The following ZFHX3 variants were observed in gnomAD, a reference collection of about 807,000 sequenced individuals.
The protein encoded by ZFHX3 is zinc finger homeobox protein 3.
In ZFHX3, 42 loss-of-function variants were observed where a neutral mutation model predicts 279.1. The ratio of observed to expected loss-of-function variants is 0.15; its 90% CI spans 0.12 to 0.19. The LOEUF (loss-of-function observed/expected upper bound fraction) is 0.19, where lower values mean the gene tolerates loss of function less well. Among genes scored for constraint, ZFHX3 ranks in the 10% least tolerant of loss-of-function variants. The pLI is 1.00. For synonymous variants in ZFHX3, 2,293 were observed against 1,957.8 expected (o/e 1.17, Z -4.52); for missense variants, 4,981 against 4,754.0 (o/e 1.05, Z -1.40).
At chr16:72,887,928 C>A (rs2038671767) in intron 4 of ZFHX3, among the ~76,000 whole-genome samples, 2 of 151,984 alleles carry the variant, frequency 1.3e-5, no homozygotes, top group African/African-American at 4.8e-5. Flanking sequence ...TGTGTGCCGT[C>A]TGCGTGAGTC....
At chr16:73,119,464 A>T (rs545020767) in intron 7 of ZFHX3, among the ~76,000 whole-genome samples, 18 of 152,234 alleles carry the variant, frequency 1.2e-4, no homozygotes, top group African/African-American at 4.3e-4. Flanking sequence ...CTGTGTCTCC[A>T]AGGAGGGCAG....
chr16:73,059,925 A>G (rs565655164), upstream of ZFHX3, among the ~76,000 whole-genome samples: 3 of 152,318 alleles, frequency 2.0e-5, no homozygotes, highest in East Asian at 5.8e-4. Flanking sequence ...GTGAATCAGA[A>G]CTGAAAGGGG....
rs369637445 is a variant in ZFHX3, at chr16:73,609,720, A to G, written c.-1547+70460T>C. The G allele has an allele frequency of 1.7e-4, 26 of 152,124 alleles. No homozygotes were observed. The East Asian group carries it at 4.7e-3, about 27-fold the overall frequency. 9.4% of individuals were successfully genotyped at this position (152,124 alleles called of 1,614,324 possible). On this transcript the variant is annotated intron_variant, in intron 2 of 17. Transcript: ENST00000641206. ...GGGAGGGGTAATTGGTTGAAGGCAT[A>G]TGTATATTCATTTAAGAAAACTCAG...
At chr16:73,226,667 C>T (rs1488451791) in intron 5 of ZFHX3, among the ~76,000 whole-genome samples, 3 of 152,240 alleles carry the variant, frequency 2.0e-5, no homozygotes, top group African/African-American at 7.2e-5. Context: ...TACACTTGAA[C>T]TACAGTGTCT....
chr16:72,843,113 C>T (rs2037384449), intron 4 of ZFHX3, among the ~76,000 whole-genome samples: 1 of 152,108 alleles, frequency 6.6e-6, no homozygotes, highest in Non-Finnish European at 1.5e-5. Flanking sequence ...GCCTGGTCAC[C>T]GGCAGGTTCT....
intron 4 of ZFHX3, among the ~76,000 whole-genome samples, chr16:72,873,021 T>C (rs559345049): frequency 6.6e-6 from 1 of 152,300 alleles, no homozygotes; most frequent in African/African-American, 2.4e-5. Context: ...AGCCTGACTC[T>C]CTCCTTAGAG....
chr16:72,979,967 T>C (rs1962515337), intron 1 of ZFHX3, among the ~76,000 whole-genome samples: 1 of 152,236 alleles, frequency 6.6e-6, no homozygotes, highest in South Asian at 2.1e-4. Context: ...TTAGCTCCAG[T>C]AATTTCTCAA....
At chr16:73,037,209 T>A (rs1431253175) in intron 1 of ZFHX3, among the ~76,000 whole-genome samples, 1 of 152,196 alleles carries the variant, frequency 6.6e-6, no homozygotes, top group Admixed American at 6.5e-5. Flanking sequence ...CAGTGTAAAG[T>A]TCTTCCTTAG....
At chr16:73,716,650 C>CAA (rs1191443786) in intron 1 of ZFHX3, among the ~76,000 whole-genome samples, 4 of 10,066 alleles carry the variant, frequency 4.0e-4, no homozygotes, top group Non-Finnish European at 3.1e-3. Context: ...CACACACACA[C>CAA]GCATGCACGC....
intron 3 of ZFHX3, among the ~76,000 whole-genome samples, chr16:72,893,369 G>T (rs2038818722): frequency 6.6e-6 from 1 of 152,192 alleles, no homozygotes; most frequent in South Asian, 2.1e-4. Flanking sequence ...GGATGTGTGA[G>T]AGTTCTATTC....
intron 7 of ZFHX3, among the ~76,000 whole-genome samples, chr16:73,125,999 G>A (rs1471443663): frequency 6.6e-6 from 1 of 151,974 alleles, no homozygotes; most frequent in Non-Finnish European, 1.5e-5. Flanking sequence ...TTTCAAAGAG[G>A]GTGTGGGACA....
intron 3 of ZFHX3, among the ~76,000 whole-genome samples, chr16:73,440,295 A>C (rs1293632967): frequency 2.6e-5 from 4 of 152,228 alleles, no homozygotes; most frequent in African/African-American, 9.6e-5. Flanking sequence ...AATTCAGTGG[A>C]GCAACATCCA....
chr16:73,601,224 G>A (rs1038194597), intron 2 of ZFHX3, among the ~76,000 whole-genome samples: 15 of 151,224 alleles, frequency 9.9e-5, no homozygotes, highest in Non-Finnish European at 1.6e-4. Context: ...AGGCTGAAGC[G>A]GGTGGATCAC....
intron 1 of ZFHX3, among the ~76,000 whole-genome samples, chr16:73,687,263 A>G (rs1489645503): frequency 6.7e-6 from 1 of 150,348 alleles, no homozygotes; most frequent in African/African-American, 2.4e-5. Context: ...ATGGTGGCAC[A>G]CACCTGTAGT....
intron 3 of ZFHX3, among the ~76,000 whole-genome samples, chr16:72,902,701 G>A (rs1016913135): frequency 1.3e-5 from 2 of 152,060 alleles, no homozygotes; most frequent in Non-Finnish European, 2.9e-5. Context: ...CATCCCCTGG[G>A]GTAGAGGATC....
chr16:73,401,722 A>G (rs1567472732), intron 3 of ZFHX3: 1 of 152,184 alleles, frequency 6.6e-6, no homozygotes, highest in Non-Finnish European at 1.5e-5. Context: ...CAAAGTTATT[A>G]TTATTTCTAA....
At chr16:73,536,621 A>C (rs189503834) in intron 2 of ZFHX3, among the ~76,000 whole-genome samples, 5 of 152,312 alleles carry the variant, frequency 3.3e-5, no homozygotes, top group Admixed American at 1.3e-4. Context: ...TAAATAAGCT[A>C]TTTTTAAGCA....
chr16:73,588,702 C>CAAAAAAAAAAA (rs35658515), intron 2 of ZFHX3, among the ~76,000 whole-genome samples: 2 of 56,384 alleles, frequency 3.5e-5, no homozygotes, highest in African/African-American at 1.1e-4. Flanking sequence ...AAACAAAAAA[C>CAAAAAAAAAAA]AAAACAAAAA....
chr16:72,788,087 T>G lies in ZFHX3; in HGVS notation c.10189A>C (p.Lys3397Gln), dbSNP rs767937367. The change falls in exon 10 of 10, where the codon AAA (lysine) becomes CAA (glutamine). Residue 3397 changes from lysine (K) to glutamine (Q), a missense_variant. Transcript: ENST00000268489. ...GGGGGGACTGGGGTTTGGCTTGCTT[T>G]GGGCTGCTGCTGCTGCACTTTTTGC... Reference protein sequence around the residue: ...QQQKVQQQQPKASQTPVPPGA... With the variant: ...QQQKVQQQQPQASQTPVPPGA... The G allele has an allele frequency of 3.1e-6, 5 of 1,611,936 alleles. No individual in the cohort carries two copies. The African/African-American group carries it at 5.3e-5, about 17-fold the overall frequency.
Sources: gnomAD v4.1 joint callset for allele counts (sites outside exome capture counted in the v4.1 genomes callset) on GRCh38, gnomAD v4.1.1 for gene constraint, MANE v1.5 for transcripts, NCBI Gene and HGNC (gene_info 2026-07-23, HGNC 2026-07-21) for gene names.